The following SH2D1A variants were observed in gnomAD, a reference collection of about 807,000 sequenced individuals.
SH2D1A encodes SH2 domain containing 1A.
Under a neutral mutation model 10.1 loss-of-function variants are expected in SH2D1A, and 6 were observed. That is an observed-to-expected ratio of 0.60 (90% CI 0.33 to 1.18). The LOEUF is 1.18. Among genes scored for constraint, SH2D1A ranks in the 50% most tolerant of loss-of-function variants. SH2D1A has a pLI of 0.04. For missense variants in SH2D1A, 51 were observed against 97.6 expected, an observed-to-expected ratio of 0.52 and a Z score of 2.01; for synonymous variants, 42 against 36.9, an observed-to-expected ratio of 1.14 and a Z score of -0.51.
At chrX:124,370,040 C>T in intron 2 of SH2D1A, 136 bp from the exon 3 acceptor site, 1 of 558,302 alleles carries the variant, frequency 1.8e-6, no homozygotes, top group Non-Finnish European at 3.1e-6. Flanking sequence ...TGTTGTTTTT[C>T]CTTCTTCCTT....
intron 1 of SH2D1A, among the ~76,000 whole-genome samples, chrX:124,347,948 G>T (rs2059998188): frequency 9.0e-6 from 1 of 111,174 alleles, no homozygotes; most frequent in African/African-American, 3.3e-5. Context: ...ACCAAATGAG[G>T]TTAAATGCTT....
In SH2D1A at chrX:124,351,541, C is replaced by G. The variant is rs148353485; in HGVS notation, c.137+4762C>G. Among the ~76,000 whole-genome samples, 401 of 110,840 alleles carry G rather than the reference C, an allele frequency of 3.6e-3. 3 individuals are homozygous for G. The highest frequency in any genetic ancestry group is 0.013 in the African/African-American group (385 of 30,649). ...ATTTACATGCTCACCTGTAATGCAT[C>G]AGTGTCCATTTCACCACACCCTCAC... On this transcript the variant is annotated intron_variant, in intron 1 of 3. Transcript: ENST00000371139.
In SH2D1A at chrX:124,366,517, T is replaced by C. The variant is rs1184072029; in HGVS notation, c.201+693T>C. The stretch of plus-strand genomic sequence containing the variant: ...CCTCAAAAAAGTGAACTCCTGAAAA[T>C]TGCCACAACTCCTATTAATAACTCA... On this transcript the variant is annotated intron_variant, in intron 2 of 3. Transcript: ENST00000371139. Among the ~76,000 whole-genome samples the C allele has an allele frequency of 6.3e-5, 7 of 111,415 alleles. No individual in the cohort carries two copies. In the East Asian group the frequency reaches 1.7e-3, roughly 27 times the overall value.
chrX:124,355,338 T>A lies in SH2D1A; in HGVS notation c.137+8559T>A, dbSNP rs774675439. The stretch of plus-strand genomic sequence containing the variant: ...TTCTAACCTGGACACTTTTTTACAG[T>A]TAGGGACAACTTTTGATGAAATAAA... On this transcript the variant is annotated intron_variant, in intron 1 of 3. Coordinates refer to ENST00000371139, the MANE Select transcript of SH2D1A (RefSeq NM_002351.5). Among the ~76,000 whole-genome samples the A allele has an allele frequency of 2.7e-5, 3 of 111,776 alleles. No individual in the cohort carries two copies. The East Asian group carries it at 8.4e-4, about 31-fold the overall frequency.
intron 1 of SH2D1A, among the ~76,000 whole-genome samples, chrX:124,351,576 G>T (rs766106733): frequency 2.7e-5 from 3 of 110,345 alleles, no homozygotes; most frequent in Non-Finnish European, 5.7e-5. Context: ...CTAGAAGTGG[G>T]TATTGTAGTT....
intron 1 of SH2D1A, among the ~76,000 whole-genome samples, chrX:124,356,649 C>T (rs1027543227): frequency 9.0e-6 from 1 of 111,030 alleles, no homozygotes; most frequent in Non-Finnish European, 1.9e-5. Flanking sequence ...TTAGTAGAGA[C>T]AGGGTTTCAC....
At chrX:124,347,294 ATG>A (rs1264850603) in intron 1 of SH2D1A, among the ~76,000 whole-genome samples, 2 of 107,806 alleles carry the variant, frequency 1.9e-5, no homozygotes, top group African/African-American at 6.8e-5. Context: ...GAGGAGGGGG[ATG>A]TGTGTCAGTA....
At chrX:124,363,562 C>G (rs528251713) in intron 1 of SH2D1A, among the ~76,000 whole-genome samples, 97 of 111,087 alleles carry the variant, frequency 8.7e-4, no homozygotes, top group Admixed American at 2.1e-3. Context: ...TGTGATGACA[C>G]TGGTATAAAC....
chrX:124,356,484 G>A (rs1263411306), intron 1 of SH2D1A, among the ~76,000 whole-genome samples: 1 of 112,297 alleles, frequency 8.9e-6, no homozygotes, highest in African/African-American at 3.2e-5. Flanking sequence ...GTCTCTCTCT[G>A]TCGCCCAGCC....
intron 1 of SH2D1A, among the ~76,000 whole-genome samples, chrX:124,365,297 C>T (rs1408682760): frequency 9.2e-6 from 1 of 109,263 alleles, no homozygotes; most frequent in Non-Finnish European, 1.9e-5. Flanking sequence ...TATACTATTG[C>T]CATTATATTT....
Position 124,346,804 on chromosome X carries a change from G to A in SH2D1A, c.137+25G>A, listed in dbSNP as rs773398510. ...TGTGAGTATGATACGGTGGACATGG[G>A]CCTGCTGAGGGTGTGGGCGGTGGGC... On this transcript the variant is annotated intron_variant, in intron 1 of 3. Transcript: ENST00000371139. 7 of 1,209,810 alleles carry A rather than the reference G, an allele frequency of 5.8e-6. No homozygotes were observed. The South Asian group carries it at 1.2e-4, about 21-fold the overall frequency.
At chrX:124,359,041 A>G (rs1409856425) in intron 1 of SH2D1A, among the ~76,000 whole-genome samples, 1 of 111,427 alleles carries the variant, frequency 9.0e-6, no homozygotes, top group Non-Finnish European at 1.9e-5. Context: ...CTGCTGGCCT[A>G]TTTGAGGGGT....
At chrX:124,363,459 T>C (rs1329771762) in intron 1 of SH2D1A, among the ~76,000 whole-genome samples, 4 of 111,776 alleles carry the variant, frequency 3.6e-5, no homozygotes, top group Admixed American at 9.5e-5. Context: ...ACAATGGTGG[T>C]CCCATAAGAT....
chrX:124,350,524 CT>C (rs1569527218), intron 1 of SH2D1A, among the ~76,000 whole-genome samples: 377 of 33,893 alleles, frequency 0.011, 15 homozygotes, highest in African/African-American at 0.018. Context: ...ATATTATATA[CT>C]ATATATAATA....
chrX:124,358,977 C>T (rs1402837459), intron 1 of SH2D1A, among the ~76,000 whole-genome samples: 1 of 111,507 alleles, frequency 9.0e-6, no homozygotes, highest in Non-Finnish European at 1.9e-5. Context: ...TAAGAGTTGA[C>T]TACAGGGGAT....
At chrX:124,347,705 T>TA (rs1487061505) in intron 1 of SH2D1A, among the ~76,000 whole-genome samples, 10 of 111,289 alleles carry the variant, frequency 9.0e-5, no homozygotes, top group Admixed American at 3.8e-4. Context: ...CATAATGCAG[T>TA]AAAAAAATTA....
chrX:124,351,535 A>G (rs1290944318), intron 1 of SH2D1A, among the ~76,000 whole-genome samples: 1 of 110,878 alleles, frequency 9.0e-6, no homozygotes, highest in Non-Finnish European at 1.9e-5. Flanking sequence ...CTCACCTGTA[A>G]TGCATCAGTG....
chrX:124,353,023 T>C (rs959138091), intron 1 of SH2D1A: 11 of 114,243 alleles, frequency 9.6e-5, no homozygotes, highest in African/African-American at 3.2e-4. Context: ...AAATGATAAA[T>C]GTTTGAGGTG....
intron 2 of SH2D1A, among the ~76,000 whole-genome samples, chrX:124,366,868 T>C (rs2060056282): frequency 1.2e-5 from 1 of 86,842 alleles, no homozygotes; most frequent in South Asian, 5.6e-4. Flanking sequence ...GTGTAAAATA[T>C]ACTGACAAAC....
Sources: gnomAD v4.1 joint callset for allele counts (sites outside exome capture counted in the v4.1 genomes callset) on GRCh38, gnomAD v4.1.1 for gene constraint, MANE v1.5 for transcripts, NCBI Gene and HGNC (gene_info 2026-07-23, HGNC 2026-07-21) for gene names.